The following RBMS3 variants were observed in gnomAD, a reference collection of about 807,000 sequenced individuals.
The protein encoded by RBMS3 is RNA-binding motif, single-stranded-interacting protein 3.
A neutral mutation model predicts 66.8 loss-of-function variants in RBMS3; 27 were observed. That is an observed-to-expected ratio of 0.40 (90% CI 0.30 to 0.56). RBMS3 has a LOEUF of 0.56. RBMS3 is among the 20% of genes least tolerant of loss of function. The pLI, the probability that RBMS3 is intolerant of heterozygous loss-of-function variation, is 0.40. For missense variants in RBMS3, 513 were observed against 549.5 expected (o/e 0.93, Z 0.66); for synonymous variants, 188 against 183.0 (o/e 1.03, Z -0.22).
chr3:29,366,348 A>G (rs1454937449), intron 1 of RBMS3, among the ~76,000 whole-genome samples: 1 of 152,196 alleles, frequency 6.6e-6, no homozygotes, highest in Non-Finnish European at 1.5e-5. Flanking sequence ...TTAGAATCCT[A>G]AGGAACAATG....
chr3:29,508,040 A>G (rs1339677847), intron 3 of RBMS3, among the ~76,000 whole-genome samples: 1 of 152,158 alleles, frequency 6.6e-6, no homozygotes, highest in East Asian at 1.9e-4. Flanking sequence ...TATATATGTG[A>G]AATTTTGAAT....
At chr3:29,846,836 A>G (rs1313897361) in intron 6 of RBMS3, among the ~76,000 whole-genome samples, 1 of 152,214 alleles carries the variant, frequency 6.6e-6, no homozygotes, top group African/African-American at 2.4e-5. Context: ...AACAAAGAGG[A>G]ATTTTTACTA....
chr3:29,761,997 A>T (rs1338699020), intron 5 of RBMS3, among the ~76,000 whole-genome samples: 1 of 152,150 alleles, frequency 6.6e-6, no homozygotes, highest in East Asian at 1.9e-4. Flanking sequence ...TATAAAATAA[A>T]AAAGGCCAGA....
chr3:29,660,809 C>T (rs2050515056), intron 4 of RBMS3, among the ~76,000 whole-genome samples: 1 of 152,124 alleles, frequency 6.6e-6, no homozygotes, highest in African/African-American at 2.4e-5. Context: ...TCTTTATTGT[C>T]AGCCTCCTAT....
intron 1 of RBMS3, among the ~76,000 whole-genome samples, chr3:29,370,644 A>G (rs1013431172): frequency 6.6e-6 from 1 of 152,200 alleles, no homozygotes; most frequent in Non-Finnish European, 1.5e-5. Flanking sequence ...TTCTAGTATT[A>G]AATCAACAAG....
chr3:29,500,069 T>C (rs898656494), intron 3 of RBMS3, among the ~76,000 whole-genome samples: 6 of 151,446 alleles, frequency 4.0e-5, no homozygotes, highest in Admixed American at 6.6e-5. Flanking sequence ...GGATTTTCTT[T>C]TTTTTTTTTT....
chr3:29,484,073 T>C (rs1346597734), intron 2 of RBMS3, among the ~76,000 whole-genome samples: 5 of 152,202 alleles, frequency 3.3e-5, no homozygotes, highest in Non-Finnish European at 5.9e-5. Flanking sequence ...TCTGTTATCA[T>C]ACACAAATGT....
At chr3:29,855,335 A>G (rs2059044260) in intron 6 of RBMS3, among the ~76,000 whole-genome samples, 1 of 152,214 alleles carries the variant, frequency 6.6e-6, no homozygotes, top group African/African-American at 2.4e-5. Flanking sequence ...ACTACATCAA[A>G]TATGACTTTT....
intron 1 of RBMS3, among the ~76,000 whole-genome samples, chr3:29,329,329 G>A (rs915178291): frequency 5.3e-5 from 8 of 152,096 alleles, no homozygotes; most frequent in East Asian, 1.9e-4. Context: ...CAAAGCTCAT[G>A]TGTAATTAAA....
intron 4 of RBMS3, among the ~76,000 whole-genome samples, chr3:29,598,863 A>T (rs529390428): frequency 6.6e-6 from 1 of 152,160 alleles, no homozygotes; most frequent in South Asian, 2.1e-4. Flanking sequence ...ACAAAAACCT[A>T]CAAGGAGGAA....
chr3:29,698,391 T>C (rs2052377258), intron 4 of RBMS3: 8 of 985,394 alleles, frequency 8.1e-6, no homozygotes, highest in Non-Finnish European at 9.6e-6. Context: ...ATTTTTTTTT[T>C]CATGTAAATT....
intron 4 of RBMS3, among the ~76,000 whole-genome samples, chr3:29,649,672 T>C (rs1195041218): frequency 3.3e-5 from 5 of 152,174 alleles, no homozygotes; most frequent in Admixed American, 6.5e-5. Context: ...GTTTATCAAG[T>C]AACTGGAGAA....
intron 10 of RBMS3, among the ~76,000 whole-genome samples, chr3:29,931,532 G>T (rs374934921): frequency 6.6e-6 from 1 of 152,134 alleles, no homozygotes. Flanking sequence ...ATTTATCAAG[G>T]TAGATAAGGA....
chr3:29,643,636 A>C (rs2049808275), intron 4 of RBMS3, among the ~76,000 whole-genome samples: 1 of 152,052 alleles, frequency 6.6e-6, no homozygotes, highest in Non-Finnish European at 1.5e-5. Context: ...AGGGAGAAAA[A>C]CGTGAAAGTT....
intron 1 of RBMS3, among the ~76,000 whole-genome samples, chr3:29,330,666 C>T (rs73056293): frequency 0.095 from 14,389 of 152,160 alleles, 895 homozygotes; most frequent in Non-Finnish European, 0.14. Context: ...ACCTTATGTT[C>T]TCTAAATATT....
intron 7 of RBMS3, among the ~76,000 whole-genome samples, chr3:29,883,922 C>G (rs2059795788): frequency 6.6e-6 from 1 of 151,924 alleles, no homozygotes. Context: ...GGAAATCATC[C>G]AAGCTGCATT....
At chr3:29,416,697 C>T (rs1267904157) in intron 1 of RBMS3, among the ~76,000 whole-genome samples, 2 of 152,116 alleles carry the variant, frequency 1.3e-5, no homozygotes, top group African/African-American at 4.8e-5. Context: ...TCATACTCCT[C>T]ACTGTACCAG....
At chr3:29,288,097 G>A (rs1275534885) in intron 1 of RBMS3, among the ~76,000 whole-genome samples, 1 of 151,978 alleles carries the variant, frequency 6.6e-6, no homozygotes, top group East Asian at 1.9e-4. Flanking sequence ...ATAAAAGAAA[G>A]ATAATAGATC....
At chr3:29,736,856 G>C (rs868630524) in intron 4 of RBMS3, among the ~76,000 whole-genome samples, 1 of 152,170 alleles carries the variant, frequency 6.6e-6, no homozygotes. Context: ...AGTGAAGCGG[G>C]AGCACCAAAG....
Sources: allele counts gnomAD v4.1 joint callset (sites outside exome capture counted in the v4.1 genomes callset), GRCh38; gene constraint gnomAD v4.1.1; transcripts MANE v1.5; gene names NCBI Gene and HGNC (gene_info 2026-07-23, HGNC 2026-07-21).